The following FGF10 variants were observed in gnomAD, a reference collection of about 807,000 sequenced individuals.
FGF10 encodes FGF-10.
A neutral mutation model predicts 19.8 loss-of-function variants in FGF10; 2 were observed. The observed-to-expected ratio is 0.10, with a 90% CI of 0.04 to 0.32. FGF10 has a LOEUF of 0.32. Ranked by LOEUF, FGF10 falls within the 10% of genes least tolerant of loss-of-function variation. The probability of loss-of-function intolerance (pLI) is 1.00; values close to 1 mark genes in which losing one functional copy is unlikely to be tolerated. For synonymous variants in FGF10, 112 were observed against 94.0 expected (o/e 1.19, Z -1.10); for missense variants, 191 against 246.3 (o/e 0.78, Z 1.50).
intron 1 of FGF10, among the ~76,000 whole-genome samples, chr5:44,382,064 C>G (rs1020049115): frequency 6.6e-6 from 1 of 152,088 alleles, no homozygotes; most frequent in Non-Finnish European, 1.5e-5. Flanking sequence ...TAAAGGTGGA[C>G]AGGTTTAGGT....
chr5:44,325,290 C>T (rs919216217), intron 1 of FGF10, among the ~76,000 whole-genome samples: 1 of 151,958 alleles, frequency 6.6e-6, no homozygotes, highest in Non-Finnish European at 1.5e-5. Context: ...GTTGGTGGGA[C>T]TGTAAACTAG....
At chr5:44,351,120 A>G (rs1741223050) in intron 1 of FGF10, among the ~76,000 whole-genome samples, 1 of 151,526 alleles carries the variant, frequency 6.6e-6, no homozygotes, top group Non-Finnish European at 1.5e-5. Flanking sequence ...TTGTGTCTAA[A>G]AATACTCTTA....
chr5:44,378,831 T>C (rs369091647), intron 1 of FGF10, among the ~76,000 whole-genome samples: 24 of 152,234 alleles, frequency 1.6e-4, no homozygotes, highest in African/African-American at 5.3e-4. Context: ...AATATAATTG[T>C]TGCTTTCCTG....
intron 1 of FGF10, among the ~76,000 whole-genome samples, chr5:44,349,422 TTATATATATATATATATATA>T (rs869035955): frequency 6.8e-4 from 28 of 41,424 alleles, no homozygotes; most frequent in East Asian, 5.9e-3. Context: ...AGCATTTTCT[TTATATATATATATATATATA>T]TATATATATA....
At chr5:44,337,434 C>T (rs946662834) in intron 1 of FGF10, among the ~76,000 whole-genome samples, 3 of 152,022 alleles carry the variant, frequency 2.0e-5, no homozygotes, top group Admixed American at 6.6e-5. Flanking sequence ...TAACATTAAA[C>T]AAAAATTAGA....
intron 1 of FGF10, among the ~76,000 whole-genome samples, chr5:44,320,245 T>A (rs900594275): frequency 3.9e-5 from 6 of 152,182 alleles, no homozygotes; most frequent in African/African-American, 1.4e-4. Context: ...CAAAACCCTA[T>A]CTGTGCTGCA....
chr5:44,367,289 A>G (rs544744581), intron 1 of FGF10, among the ~76,000 whole-genome samples: 187 of 152,162 alleles, frequency 1.2e-3, no homozygotes, highest in Middle Eastern at 3.4e-3. Context: ...AACTGCAGGT[A>G]AACATTTGTA....
rs796783678 is a variant in FGF10, at chr5:44,302,318, C to A, written c.*2677G>T. 7.1e-6 allele frequency among the ~76,000 whole-genome samples: 1 copy of A among 140,142 alleles called. No homozygotes were observed. The highest frequency in any genetic ancestry group is 7.7e-5 in the Admixed American group (1 of 12,914). The allele number at this position is 140,142 out of a possible 152,430, so 91.9% of individuals were successfully genotyped here. ...TCCTTCCTTCCTTCCTTCCTTCCTTCCTTCCTTCCTTCCTGTCTTTCTGTC... is the reference window on the plus strand; with the variant it reads ...TCCTTCCTTCCTTCCTTCCTTCCTTACTTCCTTCCTTCCTGTCTTTCTGTC... On this transcript the variant is annotated 3_prime_UTR_variant, in exon 3 of 3. Coordinates refer to ENST00000264664, the MANE Select transcript of FGF10 (RefSeq NM_004465.2).
intron 1 of FGF10, among the ~76,000 whole-genome samples, chr5:44,365,533 T>C (rs1741587806): frequency 6.6e-6 from 1 of 151,916 alleles, no homozygotes; most frequent in African/African-American, 2.4e-5. Context: ...GACTAACACG[T>C]ACAGTATGCT....
rs573669795 is a variant in FGF10 at position 44,378,380 on chromosome 5, C to G, written c.325+9978G>C. 7.2e-5 allele frequency among the ~76,000 whole-genome samples: 11 copies of G among 152,294 alleles called. No individual in the cohort carries two copies. The South Asian group carries it at 2.1e-3, about 29-fold the overall frequency. On this transcript the variant is annotated intron_variant, in intron 1 of 2. Transcript: ENST00000264664. Reference sequence around the variant, plus strand: ...ATTTCTTAAAGAACCAGGCCTCTAACTTTTTCCCCAAAACTTCAGAACAGT... The same window carrying G: ...ATTTCTTAAAGAACCAGGCCTCTAAGTTTTTCCCCAAAACTTCAGAACAGT...
At chr5:44,372,723 A>G (rs1741768478) in intron 1 of FGF10, among the ~76,000 whole-genome samples, 1 of 152,214 alleles carries the variant, frequency 6.6e-6, no homozygotes, top group Non-Finnish European at 1.5e-5. Context: ...CCTAAAATGC[A>G]ATGGTAGAAC....
rs1226488270 is a variant in FGF10 at position 44,340,934 on chromosome 5, A to G, written c.326-30404T>C. On this transcript the variant is annotated intron_variant, in intron 1 of 2. Transcript: ENST00000264664. ...AAAGAAAGAAAGAAAAACCATGTCC[A>G]TGTATAAACCTTAGAAATTAACATG... Among the ~76,000 whole-genome samples, 4 of 151,978 alleles carry G rather than the reference A, an allele frequency of 2.6e-5. 1 individual carries two copies. The highest frequency in any genetic ancestry group is 7.2e-5 in the African/African-American group (3 of 41,448).
intron 1 of FGF10, among the ~76,000 whole-genome samples, chr5:44,334,844 G>A (rs537139450): frequency 2.0e-5 from 3 of 152,196 alleles, no homozygotes; most frequent in African/African-American, 7.2e-5. Context: ...ACAAGCCCAG[G>A]AAAGGCTCAG....
intron 1 of FGF10, among the ~76,000 whole-genome samples, chr5:44,334,667 G>A (rs772380037): frequency 6.6e-5 from 10 of 152,118 alleles, no homozygotes; most frequent in African/African-American, 1.4e-4. Context: ...GGTTAAGCCA[G>A]CTGAAATTCA....
chr5:44,387,402 C>T (rs1322056884), intron 1 of FGF10, among the ~76,000 whole-genome samples: 10 of 152,116 alleles, frequency 6.6e-5, no homozygotes, highest in African/African-American at 1.9e-4. Flanking sequence ...GCATAATTTA[C>T]GCTGAGGAGA....
chr5:44,321,041 A>T (rs987664953), intron 1 of FGF10, among the ~76,000 whole-genome samples: 1 of 152,188 alleles, frequency 6.6e-6, no homozygotes, highest in Non-Finnish European at 1.5e-5. Context: ...AGAAGCAAAC[A>T]TTGAAGGACA....
chr5:44,374,864 T>C (rs1344686853), intron 1 of FGF10, among the ~76,000 whole-genome samples: 1 of 141,684 alleles, frequency 7.1e-6, no homozygotes, highest in African/African-American at 2.6e-5. Flanking sequence ...ACATGAAAAA[T>C]GATTCACTTC....
intron 2 of FGF10, among the ~76,000 whole-genome samples, chr5:44,309,949 G>A (rs1740169569): frequency 1.3e-5 from 2 of 152,058 alleles, no homozygotes; most frequent in Admixed American, 6.6e-5. Flanking sequence ...AAATTCTAGA[G>A]TTGATTGAAC....
Position 44,301,910 on chromosome 5 carries a change from C to A in FGF10, c.*3085G>T, listed in dbSNP as rs1290278397. ...TTTTATTTAAATGTAACATACTATACACTGTTCAGCCTTTTGCGAGTTAGG... is the reference window on the plus strand; with the variant it reads ...TTTTATTTAAATGTAACATACTATAAACTGTTCAGCCTTTTGCGAGTTAGG... On this transcript the variant is annotated 3_prime_UTR_variant, in exon 3 of 3. Coordinates refer to ENST00000264664, the MANE Select transcript of FGF10 (RefSeq NM_004465.2). 1.3e-5 allele frequency among the ~76,000 whole-genome samples: 2 copies of A among 152,102 alleles called. No homozygotes were observed. The highest frequency in any genetic ancestry group is 2.9e-5 in the Non-Finnish European group (2 of 68,006).
Sources: allele counts gnomAD v4.1 joint callset (sites outside exome capture counted in the v4.1 genomes callset), GRCh38; gene constraint gnomAD v4.1.1; transcripts MANE v1.5; gene names NCBI Gene and HGNC (gene_info 2026-07-23, HGNC 2026-07-21).